Variants in PPP2R2B observed in about 807,000 individuals in gnomAD.
PPP2R2B encodes protein phosphatase 2 regulatory subunit Bbeta.
In PPP2R2B, 5 loss-of-function variants were observed where a neutral mutation model predicts 46.0. The ratio of observed to expected loss-of-function variants is 0.11; its 90% CI spans 0.06 to 0.23. The LOEUF (loss-of-function observed/expected upper bound fraction) is 0.23. Ranked by LOEUF, PPP2R2B falls within the 10% of genes least tolerant of loss-of-function variation. The pLI, the probability that PPP2R2B is intolerant of heterozygous loss-of-function variation, is 1.00. For synonymous variants in PPP2R2B, 215 were observed against 206.7 expected, an observed-to-expected ratio of 1.04 and a Z score of -0.34; for missense variants, 367 against 575.0, an observed-to-expected ratio of 0.64 and a Z score of 3.70.
At chr5:146,875,058 C>A (rs778414367) in intron 2 of PPP2R2B, among the ~76,000 whole-genome samples, 8 of 152,182 alleles carry the variant, frequency 5.3e-5, no homozygotes, top group Non-Finnish European at 1.0e-4. Context: ...AGTGGGAGAA[C>A]CTGGCCTTCA....
intron 1 of PPP2R2B, among the ~76,000 whole-genome samples, chr5:147,005,104 C>T (rs1754375175): frequency 6.6e-6 from 1 of 152,064 alleles, no homozygotes; most frequent in Non-Finnish European, 1.5e-5. Flanking sequence ...TGTGTGAGGC[C>T]CTCAACCCTG....
intron 2 of PPP2R2B, among the ~76,000 whole-genome samples, chr5:146,853,613 G>T (rs763816337): frequency 6.6e-6 from 1 of 151,940 alleles, no homozygotes; most frequent in Non-Finnish European, 1.5e-5. Context: ...GCATGTAAAG[G>T]GCTTAGTACA....
At chr5:146,803,448 C>A (rs950179548) in intron 2 of PPP2R2B, among the ~76,000 whole-genome samples, 1 of 152,024 alleles carries the variant, frequency 6.6e-6, no homozygotes, top group Non-Finnish European at 1.5e-5. Flanking sequence ...GAACTGAGAA[C>A]TGTTATGAGA....
chr5:146,664,879 C>A (rs1218004453), intron 5 of PPP2R2B, among the ~76,000 whole-genome samples: 2 of 152,166 alleles, frequency 1.3e-5, no homozygotes, highest in Non-Finnish European at 2.9e-5. Flanking sequence ...TTGTACTTCT[C>A]CATCAGAGCT....
intron 1 of PPP2R2B, chr5:147,040,820 A>AC: frequency 2.3e-6 from 1 of 438,862 alleles, no homozygotes. Context: ...AAAAAAAAAA[A>AC]AAAACTGTAA....
At chr5:147,047,679 T>C (rs1756606622) in intron 1 of PPP2R2B, among the ~76,000 whole-genome samples, 1 of 152,144 alleles carries the variant, frequency 6.6e-6, no homozygotes, top group Non-Finnish European at 1.5e-5. Flanking sequence ...GGAAATAAAA[T>C]GACTTTCTGT....
chr5:146,670,895 T>C (rs1038420210), intron 5 of PPP2R2B, among the ~76,000 whole-genome samples: 3 of 152,114 alleles, frequency 2.0e-5, no homozygotes, highest in African/African-American at 7.2e-5. Context: ...TTTCTATGAA[T>C]TGTCAAAAAA....
intron 5 of PPP2R2B, among the ~76,000 whole-genome samples, chr5:146,675,592 A>C (rs1287781064): frequency 6.6e-6 from 1 of 152,184 alleles, no homozygotes; most frequent in African/African-American, 2.4e-5. Flanking sequence ...CTCCCTGTTA[A>C]AGTCTGGGAA....
chr5:146,941,246 C>T (rs1477915420), intron 1 of PPP2R2B, among the ~76,000 whole-genome samples: 1 of 152,188 alleles, frequency 6.6e-6, no homozygotes, highest in Non-Finnish European at 1.5e-5. Flanking sequence ...TATGTCTGTT[C>T]ACAATGCATT....
chr5:146,881,524 T>C (rs1404543609), upstream of PPP2R2B, among the ~76,000 whole-genome samples: 3 of 152,166 alleles, frequency 2.0e-5, no homozygotes, highest in Non-Finnish European at 4.4e-5. Flanking sequence ...GTGAGTCTCA[T>C]GCGTCAGACT....
chr5:146,877,866 G>A (rs1489320354), intron 2 of PPP2R2B, 136 bp downstream of exon 2: 5 of 1,044,716 alleles, frequency 4.8e-6, no homozygotes, highest in East Asian at 5.3e-5. Flanking sequence ...TGGGGCTGCC[G>A]GGGCCAGCCG....
intron 1 of PPP2R2B, among the ~76,000 whole-genome samples, chr5:146,928,075 T>G (rs567026573): frequency 6.6e-6 from 1 of 152,152 alleles, no homozygotes; most frequent in Non-Finnish European, 1.5e-5. Flanking sequence ...GTATAATTCA[T>G]CGCACTATCT....
chr5:146,667,985 G>T (rs911559242), intron 5 of PPP2R2B, among the ~76,000 whole-genome samples: 2 of 152,072 alleles, frequency 1.3e-5, no homozygotes, highest in African/African-American at 2.4e-5. Flanking sequence ...TTGTCCCTTG[G>T]ACATCCCATA....
chr5:146,735,399 A>G (rs974969493), intron 2 of PPP2R2B, among the ~76,000 whole-genome samples: 3 of 151,796 alleles, frequency 2.0e-5, no homozygotes, highest in Non-Finnish European at 2.9e-5. Context: ...GGATTTGCAG[A>G]ATGAAAAGGC....
At chr5:146,744,337 C>A (rs1466733808) in intron 2 of PPP2R2B, among the ~76,000 whole-genome samples, 4 of 152,122 alleles carry the variant, frequency 2.6e-5, no homozygotes, top group African/African-American at 9.7e-5. Context: ...GCCAAAGAAG[C>A]AATGAAAGCT....
At chr5:146,756,149 A>G (rs1377274043) in intron 2 of PPP2R2B, among the ~76,000 whole-genome samples, 1 of 152,166 alleles carries the variant, frequency 6.6e-6, no homozygotes, top group Non-Finnish European at 1.5e-5. Flanking sequence ...TACTTCTGAA[A>G]GATTCTGAAT....
chr5:146,636,072 A>C (rs1051327227), intron 7 of PPP2R2B, among the ~76,000 whole-genome samples: 1 of 152,172 alleles, frequency 6.6e-6, no homozygotes, highest in Non-Finnish European at 1.5e-5. Context: ...TTATCCTTGC[A>C]TTGAGACTAA....
At chr5:146,880,617 T>G (rs574844903), upstream of PPP2R2B, among the ~76,000 whole-genome samples, 1 of 152,248 alleles carries the variant, frequency 6.6e-6, no homozygotes, top group Non-Finnish European at 1.5e-5. Flanking sequence ...TTTGGGAAAA[T>G]TTCCCCTGTA....
chr5:147,020,712 T>A (rs917260233), intron 1 of PPP2R2B, among the ~76,000 whole-genome samples: 14 of 152,208 alleles, frequency 9.2e-5, no homozygotes, highest in African/African-American at 4.8e-5. Flanking sequence ...GCTCAGATGA[T>A]AAGAATCTGG....
Sources: allele counts gnomAD v4.1 joint callset (sites outside exome capture counted in the v4.1 genomes callset), GRCh38; gene constraint gnomAD v4.1.1; transcripts MANE v1.5; gene names NCBI Gene and HGNC (gene_info 2026-07-23, HGNC 2026-07-21).